The following CACNA1C variants were observed in gnomAD, a reference collection of about 807,000 sequenced individuals.
CACNA1C encodes calcium voltage-gated channel subunit alpha1 C.
Under a neutral mutation model 229.0 loss-of-function variants are expected in CACNA1C, and 30 were observed. That is an observed-to-expected ratio of 0.13 (90% CI 0.10 to 0.18). CACNA1C has a LOEUF of 0.18. Ranked by LOEUF, CACNA1C falls within the 10% of genes least tolerant of loss-of-function variation. The pLI is 1.00. For missense variants in CACNA1C, 1,658 were observed against 2,845.0 expected, an observed-to-expected ratio of 0.58 and a Z score of 9.49; for synonymous variants, 1,114 against 1,132.5, an observed-to-expected ratio of 0.98 and a Z score of 0.33.
chr12:2,121,797 T>C (rs1328800177), intron 3 of CACNA1C, among the ~76,000 whole-genome samples: 1 of 152,248 alleles, frequency 6.6e-6, no homozygotes, highest in African/African-American at 2.4e-5. Flanking sequence ...ACCTCCTTCC[T>C]CTGCCATGGT....
rs549377630 is a variant in CACNA1C at position 2,291,545 on chromosome 12, G to T, written c.478-157431G>T. Reference sequence around the variant, plus strand: ...TGTAAATAAGATGTTAGAGTCTGGAGCTTTTGTTCGGTCTTGTGTTTAGCG... The same window carrying T: ...TGTAAATAAGATGTTAGAGTCTGGATCTTTTGTTCGGTCTTGTGTTTAGCG... On this transcript the variant is annotated intron_variant, in intron 3 of 46. Transcript: ENST00000399655. Among the ~76,000 whole-genome samples the T allele has an allele frequency of 4.6e-5, 7 of 152,340 alleles. No homozygotes were observed. The South Asian group carries it at 1.4e-3, about 32-fold the overall frequency.
intron 24 of CACNA1C, 95 bp from the exon 25 acceptor site, chr12:2,606,516 A>T: frequency 1.0e-6 from 1 of 995,002 alleles, no homozygotes; most frequent in Non-Finnish European, 1.6e-6. Flanking sequence ...CACTGTCCCT[A>T]GCACAGTGCT....
At chr12:2,144,273 C>A (rs1174408142) in intron 3 of CACNA1C, among the ~76,000 whole-genome samples, 1 of 151,296 alleles carries the variant, frequency 6.6e-6, no homozygotes, top group African/African-American at 2.4e-5. Context: ...TGAGTGCCAT[C>A]TTGAAGGGTG....
intron 19 of CACNA1C, among the ~76,000 whole-genome samples, chr12:2,594,997 A>G (rs893469798): frequency 5.3e-5 from 8 of 152,172 alleles, no homozygotes; most frequent in Non-Finnish European, 7.4e-5. Flanking sequence ...GCCTCAGCTC[A>G]GTGGAGGTTG....
At chr12:2,077,900 T>G (rs1213232550) in intron 1 of CACNA1C, among the ~76,000 whole-genome samples, 2 of 152,264 alleles carry the variant, frequency 1.3e-5, no homozygotes, top group African/African-American at 4.8e-5. Flanking sequence ...GAATTCATAC[T>G]ACTTGCATAC....
In CACNA1C at chr12:2,034,566, A is replaced by G. The variant is rs527613840; in HGVS notation, c.139+63365A>G. ...AGTCCCTCTTAATACTTTCTGTTTTATTACTCTAAAGTAAACTTCCCCAGC... is the reference window on the plus strand; with the variant it reads ...AGTCCCTCTTAATACTTTCTGTTTTGTTACTCTAAAGTAAACTTCCCCAGC... On this transcript the variant is annotated intron_variant, in intron 1 of 46. Coordinates refer to the CACNA1C transcript ENST00000682462. This position sits in a 1 kb window ranked among gnomAD's most constrained non-coding sequence, Gnocchi z 4.1. Among the ~76,000 whole-genome samples, 72 of 152,258 alleles carry G rather than the reference A, an allele frequency of 4.7e-4. No individual in the cohort carries two copies. The highest frequency in any genetic ancestry group is 1.6e-3 in the Admixed American group (25 of 15,294).
chr12:2,454,195 G>A (rs187512864), intron 4 of CACNA1C, among the ~76,000 whole-genome samples: 9 of 152,228 alleles, frequency 5.9e-5, no homozygotes, highest in East Asian at 1.9e-4. Context: ...CTCTTGGTTC[G>A]CTCTACTTCA....
chr12:2,289,988 G>A (rs1011215171), intron 3 of CACNA1C, among the ~76,000 whole-genome samples: 2 of 152,158 alleles, frequency 1.3e-5, no homozygotes, highest in Non-Finnish European at 2.9e-5. Flanking sequence ...GTCCAAAATC[G>A]CACAGCTAGT....
chr12:2,621,709 G>C (rs965291600), intron 29 of CACNA1C, among the ~76,000 whole-genome samples: 23 of 152,178 alleles, frequency 1.5e-4, no homozygotes, highest in Non-Finnish European at 2.5e-4. Context: ...ATGGCGAATT[G>C]GATGTGAGGG....
At chr12:2,462,910 ATTTTTT>A (rs147569410) in intron 5 of CACNA1C, among the ~76,000 whole-genome samples, 2 of 120,948 alleles carry the variant, frequency 1.7e-5, no homozygotes, top group African/African-American at 3.1e-5. Flanking sequence ...CAAAAGTTGC[ATTTTTT>A]TTTTTTTTTT....
intron 5 of CACNA1C, among the ~76,000 whole-genome samples, chr12:2,460,340 G>A (rs2099491643): frequency 6.6e-6 from 1 of 152,222 alleles, no homozygotes. Flanking sequence ...TGCTGTACCT[G>A]CAGAGAAGCA....
At chr12:2,443,466 C>T (rs561220806) in intron 3 of CACNA1C, among the ~76,000 whole-genome samples, 101 of 152,214 alleles carry the variant, frequency 6.6e-4, no homozygotes, top group African/African-American at 2.4e-3. Context: ...GGTTCATTCT[C>T]TCTTCTGCAG....
At chr12:2,404,391 C>T (rs1358436186) in intron 3 of CACNA1C, among the ~76,000 whole-genome samples, 2 of 152,134 alleles carry the variant, frequency 1.3e-5, no homozygotes, top group African/African-American at 2.4e-5. Flanking sequence ...GGGTAAAGGC[C>T]ACCCTCTTCT....
At position 2,630,061 on chromosome 12, in the gene CACNA1C, C is replaced by A. The variant is rs1481494282; in HGVS notation, c.3829-4236C>A. Among the ~76,000 whole-genome samples the A allele has an allele frequency of 1.3e-5, 2 of 152,210 alleles. No individual in the cohort carries two copies. Among genetic ancestry groups the A allele is most frequent in the Non-Finnish European group, 2.9e-5 (2 of 68,038 alleles). ...GGCTTCCAGCTGCAAAAACGCTTTC[C>A]CTTCTGGGCAGCCCGCCCTGCGTGG... On this transcript the variant is annotated intron_variant, in intron 29 of 46. Coordinates refer to ENST00000399655, the MANE Select transcript of CACNA1C (RefSeq NM_000719.7). This position sits in a 1 kb window ranked among gnomAD's most constrained non-coding sequence, Gnocchi z 5.4.
intron 3 of CACNA1C, among the ~76,000 whole-genome samples, chr12:2,335,466 A>G (rs1411219853): frequency 6.6e-6 from 1 of 152,064 alleles, no homozygotes; most frequent in Non-Finnish European, 1.5e-5. Flanking sequence ...AACATAATGT[A>G]GAAAGATGTG....
intron 5 of CACNA1C, among the ~76,000 whole-genome samples, chr12:2,483,753 G>A (rs2099686253): frequency 6.6e-6 from 1 of 152,074 alleles, no homozygotes; most frequent in Admixed American, 6.5e-5. Context: ...AGGGCATTTG[G>A]CAGGAATTCT....
At chr12:2,554,501 C>G (rs1268396168) in intron 10 of CACNA1C, among the ~76,000 whole-genome samples, 1 of 152,202 alleles carries the variant, frequency 6.6e-6, no homozygotes, top group Non-Finnish European at 1.5e-5. Context: ...CCCAGCTGTT[C>G]TCAGAGTTCT....
intron 3 of CACNA1C, among the ~76,000 whole-genome samples, chr12:2,391,074 A>G (rs1184514473): frequency 2.6e-5 from 4 of 152,210 alleles, no homozygotes; most frequent in Non-Finnish European, 5.9e-5. Flanking sequence ...GATAGGACGC[A>G]GTGACTGACG....
chr12:2,572,332 TCTCTTC>T (rs2055186455), intron 13 of CACNA1C, among the ~76,000 whole-genome samples: 4 of 32,462 alleles, frequency 1.2e-4, no homozygotes, highest in Non-Finnish European at 1.9e-4. Flanking sequence ...TCCTCCTCCT[TCTCTTC>T]TTCCTCCTCC....
Sources: gnomAD v4.1 joint callset for allele counts (sites outside exome capture counted in the v4.1 genomes callset) on GRCh38, gnomAD v4.1.1 for gene constraint, Gnocchi (gnomAD v3.1) non-coding constraint, MANE v1.5 for transcripts, NCBI Gene and HGNC (gene_info 2026-07-23, HGNC 2026-07-21) for gene names.